RNF125: variants seen among roughly 807,000 people sequenced by gnomAD.
The protein encoded by RNF125 is E3 ubiquitin-protein ligase RNF125.
In RNF125, 21 loss-of-function variants were observed where a neutral mutation model predicts 26.0. The observed-to-expected ratio is 0.81, with a 90% CI of 0.57 to 1.16. The LOEUF (loss-of-function observed/expected upper bound fraction) is 1.16. Ranked by LOEUF, RNF125 falls within the 50% of genes most tolerant of loss-of-function variation. The probability of loss-of-function intolerance (pLI) is 0.00; values close to 1 mark genes in which losing one functional copy is unlikely to be tolerated. For missense variants in RNF125, 270 were observed against 299.4 expected, an observed-to-expected ratio of 0.90 and a Z score of 0.72; for synonymous variants, 95 against 109.2, an observed-to-expected ratio of 0.87 and a Z score of 0.81.
chr18:32,055,171 C>T (rs140962817), intron 4 of RNF125, among the ~76,000 whole-genome samples: 5,997 of 151,782 alleles, frequency 0.04, 166 homozygotes, highest in African/African-American at 0.087. Flanking sequence ...CGGTGGTGCA[C>T]GCCTGTAATC....
chr18:32,077,310 G>A (rs2039576510), downstream of RNF125, among the ~76,000 whole-genome samples: 1 of 151,282 alleles, frequency 6.6e-6, no homozygotes, highest in Non-Finnish European at 1.5e-5. Flanking sequence ...TTCCAGCCTG[G>A]GCGACATAGC....
chr18:32,032,584 C>A (rs2039108520), intron 1 of RNF125, among the ~76,000 whole-genome samples: 1 of 151,964 alleles, frequency 6.6e-6, no homozygotes, highest in African/African-American at 2.4e-5. Flanking sequence ...AGATACTTTC[C>A]ATAAACAGTC....
At chr18:32,050,980 C>T (rs375470847) in intron 4 of RNF125, among the ~76,000 whole-genome samples, 152 of 143,506 alleles carry the variant, frequency 1.1e-3, no homozygotes, top group Non-Finnish European at 1.8e-3. Context: ...TCCTCGGCCC[C>T]GCAAAGTGCT....
At chr18:32,041,835 TTAGCCGGGATGG>T (rs1568199083) in intron 2 of RNF125, 1 of 24,736 alleles carries the variant, frequency 4.0e-5, no homozygotes. Context: ...TTTCACCGTG[TTAGCCGGGATGG>T]TCTCGATCTC....
At chr18:32,086,154 A>C in the RNF125 span, among the ~76,000 whole-genome samples, 1 of 151,586 alleles carries the variant, frequency 6.6e-6, no homozygotes, top group Non-Finnish European at 1.5e-5. Context: ...ACATGGTTTC[A>C]TCCTGCTTGT....
At chr18:32,064,089 G>A (rs1445577256) in intron 4 of RNF125, among the ~76,000 whole-genome samples, 1 of 151,648 alleles carries the variant, frequency 6.6e-6, no homozygotes, top group Non-Finnish European at 1.5e-5. Context: ...CTGCCTCCTG[G>A]GTTCAAGCCA....
At chr18:32,032,007 C>T (rs192674517) in intron 1 of RNF125, among the ~76,000 whole-genome samples, 1 of 152,028 alleles carries the variant, frequency 6.6e-6, no homozygotes, top group Non-Finnish European at 1.5e-5. Flanking sequence ...TCAAGTGATT[C>T]TCCTGCCTCA....
chr18:32,037,565 G>A (rs2039171218), intron 2 of RNF125, among the ~76,000 whole-genome samples: 1 of 151,660 alleles, frequency 6.6e-6, no homozygotes, highest in Admixed American at 6.6e-5. Flanking sequence ...GTAGAGACAC[G>A]GTTTCACTAT....
intron 4 of RNF125, among the ~76,000 whole-genome samples, chr18:32,062,772 T>A (rs925647453): frequency 7.9e-5 from 12 of 152,168 alleles, no homozygotes; most frequent in Non-Finnish European, 1.8e-4. Flanking sequence ...TCAAGCTATT[T>A]TTTTTTCTCT....
At position 32,057,459 on chromosome 18, in the gene RNF125, C is replaced by T. The variant is rs138169417; in HGVS notation, c.505-8443C>T. Reference sequence around the variant, plus strand: ...AAGCGATTCTCCTGCCTCAGTCTCCCGAGTAGCTGGGATTATAGGGGCATG... The same window carrying T: ...AAGCGATTCTCCTGCCTCAGTCTCCTGAGTAGCTGGGATTATAGGGGCATG... On this transcript the variant is annotated intron_variant, in intron 4 of 5. Transcript: ENST00000217740. Among the ~76,000 whole-genome samples the T allele has an allele frequency of 4.3e-3, 651 of 151,866 alleles. 2 individuals carry two copies. The highest frequency in any genetic ancestry group is 0.01 in the Middle Eastern group (3 of 294).
the RNF125 span, among the ~76,000 whole-genome samples, chr18:32,085,318 A>G: frequency 6.6e-6 from 1 of 151,684 alleles, no homozygotes; most frequent in African/African-American, 2.4e-5. Flanking sequence ...GGACCAAAGA[A>G]AGTGCAGCCT....
intron 1 of RNF125, among the ~76,000 whole-genome samples, chr18:32,034,345 G>A (rs1366119372): frequency 1.3e-5 from 2 of 151,912 alleles, no homozygotes; most frequent in African/African-American, 2.4e-5. Context: ...TCTTGAGCAG[G>A]GCGGCAGCTG....
the RNF125 span, among the ~76,000 whole-genome samples, chr18:32,086,915 G>A: frequency 1.3e-5 from 2 of 152,062 alleles, no homozygotes; most frequent in African/African-American, 2.4e-5. Flanking sequence ...GCCTCCCAAA[G>A]TGCTGGAATT....
In RNF125 at chr18:32,035,064, A is replaced by G. The variant is rs1269356407; in HGVS notation, c.165-2052A>G. ...TGTGCAGTGTTCAACTTCCAGAGACATGGTCTATACTTGACTTGGCTTGCC... is the reference window on the plus strand; with the variant it reads ...TGTGCAGTGTTCAACTTCCAGAGACGTGGTCTATACTTGACTTGGCTTGCC... On this transcript the variant is annotated intron_variant, in intron 1 of 5. Coordinates refer to ENST00000217740, the MANE Select transcript of RNF125 (RefSeq NM_017831.4). Among the ~76,000 whole-genome samples, 6 of 152,162 alleles carry G rather than the reference A, an allele frequency of 3.9e-5. 1 individual carries two copies. In the South Asian group the frequency reaches 6.2e-4, roughly 16 times the overall value.
downstream of RNF125, among the ~76,000 whole-genome samples, chr18:32,076,942 T>C (rs548124149): frequency 2.5e-4 from 38 of 152,268 alleles, no homozygotes; most frequent in East Asian, 5.0e-3. Context: ...ACCAAATCTG[T>C]CTATTGTTTT....
chr18:32,072,313 G>A lies in RNF125; in HGVS notation c.*3929G>A, dbSNP rs2144525393. The A allele has an allele frequency of 6.6e-6, 1 of 152,362 alleles. No individual in the cohort carries two copies. Among genetic ancestry groups the A allele is most frequent in the Admixed American group, 6.5e-5 (1 of 15,304 alleles). The allele number at this position is 152,362 out of a possible 1,614,324, so 9.4% of individuals were successfully genotyped here. ...CATAAAAAGAAATGATCATCAGACT[G>A]AAAGTCCAGAGCCTGAGAAATGAAA... On this transcript the variant is annotated 3_prime_UTR_variant, in exon 6 of 6. Transcript: ENST00000217740.
intron 4 of RNF125, among the ~76,000 whole-genome samples, chr18:32,046,132 G>C (rs370542856): frequency 1.4e-5 from 2 of 146,358 alleles, no homozygotes; most frequent in African/African-American, 5.1e-5. Context: ...CAGAAGAATC[G>C]CTTGAACCTG....
At chr18:32,038,394 C>G (rs962274004) in intron 2 of RNF125, among the ~76,000 whole-genome samples, 1 of 152,138 alleles carries the variant, frequency 6.6e-6, no homozygotes, top group Non-Finnish European at 1.5e-5. Flanking sequence ...AAACCCTGAA[C>G]TTCTACCATC....
At position 32,062,511 on chromosome 18, in the gene RNF125, T is replaced by G. The variant is rs181604220; in HGVS notation, c.505-3391T>G. On this transcript the variant is annotated intron_variant, in intron 4 of 5. Transcript: ENST00000217740. ...ATTAATTAAAAGGATGTAATTTTAC[T>G]AAAAATAAGATGTAAAAATTAGCGA... Among the ~76,000 whole-genome samples, 38 of 152,160 alleles carry G rather than the reference T, an allele frequency of 2.5e-4. 1 individual carries two copies. Among genetic ancestry groups the G allele is most frequent in the Non-Finnish European group, 2.9e-5 (2 of 68,032 alleles).
Sources: allele counts gnomAD v4.1 joint callset (sites outside exome capture counted in the v4.1 genomes callset), GRCh38; gene constraint gnomAD v4.1.1; transcripts MANE v1.5; gene names NCBI Gene and HGNC (gene_info 2026-07-23, HGNC 2026-07-21).